The following DNAJB1 variants were observed in gnomAD, a reference collection of about 807,000 sequenced individuals.
DNAJB1 encodes DnaJ heat shock protein family (Hsp40) member B1.
In DNAJB1, 14 loss-of-function variants were observed where a neutral mutation model predicts 24.0. The observed-to-expected ratio is 0.58, with a 90% CI of 0.39 to 0.91. The LOEUF (loss-of-function observed/expected upper bound fraction) is 0.91. Ranked by LOEUF, DNAJB1 falls within the 40% of genes least tolerant of loss-of-function variation. The pLI is 0.00. For synonymous variants in DNAJB1, 262 were observed against 174.4 expected (o/e 1.50, Z -3.96); for missense variants, 517 against 458.1 (o/e 1.13, Z -1.17).
intron 1 of DNAJB1, among the ~76,000 whole-genome samples, chr19:14,546,609 G>A (rs959773315): frequency 2.6e-5 from 4 of 152,182 alleles, no homozygotes; most frequent in Admixed American, 6.6e-5. Flanking sequence ...CTGGCTGCAT[G>A]CACTACCGTG....
rs150298382 is a variant in DNAJB1, at chr19:14,537,516, G to A, written c.-213-9706C>T. ...AAAGGCCTTGCGACTCTGATAAGGTGGTTGGGTTTGGTCGGGAATCCTGCA... is the reference window on the plus strand; with the variant it reads ...AAAGGCCTTGCGACTCTGATAAGGTAGTTGGGTTTGGTCGGGAATCCTGCA... On this transcript the variant is annotated intron_variant, in intron 1 of 3. Transcript: ENST00000676982. Among the ~76,000 whole-genome samples the A allele has an allele frequency of 3.4e-3, 520 of 152,204 alleles. 4 individuals are homozygous for A. Among genetic ancestry groups the A allele is most frequent in the African/African-American group, 0.011 (444 of 41,518 alleles).
At chr19:14,555,748 A>C (rs1359610307) in intron 1 of DNAJB1, among the ~76,000 whole-genome samples, 1 of 151,998 alleles carries the variant, frequency 6.6e-6, no homozygotes, top group East Asian at 1.9e-4. Context: ...GACACAGCTA[A>C]TTTTTATAAA....
upstream of DNAJB1, chr19:14,529,796 G>C: frequency 6.3e-7 from 1 of 1,594,134 alleles, no homozygotes; most frequent in Non-Finnish European, 8.6e-7. Flanking sequence ...CCCACTTTCT[G>C]GTCCTGTGCC....
At chr19:14,537,395 A>G (rs2072940974) in intron 1 of DNAJB1, among the ~76,000 whole-genome samples, 1 of 151,986 alleles carries the variant, frequency 6.6e-6, no homozygotes, top group Non-Finnish European at 1.5e-5. Flanking sequence ...AGGTGGATTT[A>G]GAGGCTCCAC....
upstream of DNAJB1, among the ~76,000 whole-genome samples, chr19:14,519,722 G>C (rs1274917184): frequency 6.6e-6 from 1 of 152,116 alleles, no homozygotes; most frequent in Non-Finnish European, 1.5e-5. Flanking sequence ...AATATTCCCC[G>C]TTCTTACACA....
chr19:14,520,874 T>G (rs190751375), upstream of DNAJB1, among the ~76,000 whole-genome samples: 504 of 151,892 alleles, frequency 3.3e-3, 5 homozygotes, highest in African/African-American at 0.011. Context: ...GAGCCTGTAG[T>G]CCCAGCTACT....
rs1471025610 is a variant in DNAJB1 at position 14,515,917 on chromosome 19, C to G, written c.*23G>C. ...CTTGAGCTCTGGAAAGGTCCCTGGT[C>G]AGTCCTTGGGGAGCTCAGATAGCTA... On this transcript the variant is annotated 3_prime_UTR_variant, in exon 3 of 3. Coordinates refer to ENST00000254322, the MANE Select transcript of DNAJB1 (RefSeq NM_006145.3). 6.2e-7 allele frequency: 1 copy of G among 1,602,876 alleles called. No individual in the cohort carries two copies. Among genetic ancestry groups the G allele is most frequent in the South Asian group, 1.1e-5 (1 of 90,084 alleles).
intron 1 of DNAJB1, among the ~76,000 whole-genome samples, chr19:14,539,312 T>C (rs970983110): frequency 6.6e-6 from 1 of 152,032 alleles, no homozygotes; most frequent in African/African-American, 2.4e-5. Flanking sequence ...CATTTTGAGA[T>C]GATCAGCTCT....
intron 2 of DNAJB1, 83 bp from the exon 3 acceptor site, chr19:14,516,253 G>C: frequency 2.0e-6 from 3 of 1,483,116 alleles, no homozygotes; most frequent in Non-Finnish European, 2.8e-6. Context: ...CCATAGATAA[G>C]ACCCATCAGG....
At chr19:14,518,436 G>T, upstream of DNAJB1, 1 of 1,171,160 alleles carries the variant, frequency 8.5e-7, no homozygotes, top group Non-Finnish European at 1.1e-6. Flanking sequence ...CCCGTCCGGC[G>T]GAAGCTTCCA....
upstream of DNAJB1, among the ~76,000 whole-genome samples, chr19:14,552,923 C>T (rs1043829644): frequency 6.6e-6 from 1 of 151,974 alleles, no homozygotes; most frequent in Non-Finnish European, 1.5e-5. Flanking sequence ...ATAGATGTCA[C>T]GTCTGAATGA....
intron 1 of DNAJB1, among the ~76,000 whole-genome samples, chr19:14,536,996 A>G (rs1599420250): frequency 9.6e-5 from 2 of 20,906 alleles, no homozygotes; most frequent in Non-Finnish European, 1.9e-4. Flanking sequence ...GAGGAGGAGG[A>G]GGTGGGGCTT....
At chr19:14,553,821 C>T (rs562694154), upstream of DNAJB1, among the ~76,000 whole-genome samples, 42 of 152,238 alleles carry the variant, frequency 2.8e-4, 1 homozygote, top group Middle Eastern at 3.4e-3. Flanking sequence ...AGTGCAGCAG[C>T]GCTTGTGCCC....
Position 14,515,907 on chromosome 19 carries a change from G to A in DNAJB1, c.*33C>T, listed in dbSNP as rs748281603. ...TCCAGAAATCCTTGAGCTCTGGAAA[G>A]GTCCCTGGTCAGTCCTTGGGGAGCT... On this transcript the variant is annotated 3_prime_UTR_variant, in exon 3 of 3. Transcript: ENST00000254322. The A allele has an allele frequency of 2.6e-4, 408 of 1,593,860 alleles. No individual in the cohort carries two copies. Among genetic ancestry groups the A allele is most frequent in the Non-Finnish European group, 3.3e-4 (383 of 1,171,516 alleles).
chr19:14,521,247 T>C (rs923609394), upstream of DNAJB1, among the ~76,000 whole-genome samples: 32 of 151,868 alleles, frequency 2.1e-4, no homozygotes, highest in African/African-American at 7.5e-4. Context: ...TCACCTGAGG[T>C]CAGGAGTTCG....
intron 1 of DNAJB1, chr19:14,517,782 G>A: frequency 9.6e-6 from 2 of 208,502 alleles, no homozygotes; most frequent in Non-Finnish European, 9.6e-6. Context: ...CCCGGCGGCC[G>A]AGCCCAGGTG....
intron 1 of DNAJB1, among the ~76,000 whole-genome samples, chr19:14,545,572 C>T (rs769711568): frequency 2.6e-5 from 4 of 152,202 alleles, no homozygotes; most frequent in Non-Finnish European, 4.4e-5. Context: ...GATCGCTGCC[C>T]GCACGCTCTT....
At chr19:14,555,565 C>T (rs1221061694) in intron 1 of DNAJB1, among the ~76,000 whole-genome samples, 1 of 151,314 alleles carries the variant, frequency 6.6e-6, no homozygotes, top group East Asian at 1.9e-4. Context: ...TGTGCCTCAG[C>T]CTCCCAAGTG....
chr19:14,538,056 T>G (rs1313376574), intron 1 of DNAJB1, among the ~76,000 whole-genome samples: 2 of 152,182 alleles, frequency 1.3e-5, no homozygotes, highest in African/African-American at 4.8e-5. Context: ...TGTGAGTGCT[T>G]CTTATCTAGT....
Sources: gnomAD v4.1 joint callset for allele counts (sites outside exome capture counted in the v4.1 genomes callset) on GRCh38, gnomAD v4.1.1 for gene constraint, MANE v1.5 for transcripts, NCBI Gene and HGNC (gene_info 2026-07-23, HGNC 2026-07-21) for gene names.